The following KCNC1 variants were observed in gnomAD, a reference collection of about 807,000 sequenced individuals.
KCNC1 encodes potassium voltage-gated channel subfamily C member 1.
KCNC1 carries 8 observed loss-of-function variants against 43.4 expected under a neutral mutation model. The ratio of observed to expected loss-of-function variants is 0.18; its 90% confidence interval spans 0.11 to 0.33. The LOEUF is 0.33. KCNC1 is among the 10% of genes least tolerant of loss of function. The probability of loss-of-function intolerance (pLI) is 1.00; values close to 1 mark genes in which losing one functional copy is unlikely to be tolerated. For synonymous variants in KCNC1, 361 were observed against 360.5 expected, an observed-to-expected ratio of 1.00 and a Z score of -0.01; for missense variants, 420 against 836.0, an observed-to-expected ratio of 0.50 and a Z score of 6.14.
Position 17,772,845 on chromosome 11 carries a change from G to A in KCNC1, c.1504+247G>A, listed in dbSNP as rs1849245911. The A allele has an allele frequency of 2.2e-6, 3 of 1,366,406 alleles. No individual in the cohort carries two copies. In the East Asian group the frequency reaches 8.2e-5, roughly 37 times the overall value. 84.6% of individuals were successfully genotyped at this position (1,366,406 alleles called of 1,614,324 possible). On this transcript the variant is annotated intron_variant, in intron 2 of 3. Coordinates refer to ENST00000265969, the MANE Select transcript of KCNC1 (RefSeq NM_001112741.2). ...AGGTTGACGCGGTTGGTCTCGTGAT[G>A]TTCTGAAGAGACAACGCGGCCCGCC... is the stretch of plus-strand genomic sequence containing the variant.
rs186166569 is a variant in KCNC1 at position 17,741,912 on chromosome 11, C to G, written c.570+5340C>G. 3.9e-5 allele frequency among the ~76,000 whole-genome samples: 6 copies of G among 152,346 alleles called. No homozygotes were observed. In the East Asian group the frequency reaches 1.2e-3, roughly 29 times the overall value. ...CTCAAACAGCAGCTCCTCAGTGATG[C>G]CTTCCCGGGCCCCTAGGCTGGGTTG... is the stretch of plus-strand genomic sequence containing the variant. On this transcript the variant is annotated intron_variant, in intron 1 of 3. Transcript: ENST00000265969.
intron 1 of KCNC1, among the ~76,000 whole-genome samples, chr11:17,763,769 CCCA>C (rs1285562546): frequency 6.8e-6 from 1 of 147,696 alleles, no homozygotes; most frequent in Non-Finnish European, 1.5e-5. Context: ...CACACAAACC[CCCA>C]CACCACCCCA....
Position 17,776,203 on chromosome 11 carries a change from C to T in KCNC1, c.1505-3253C>T, listed in dbSNP as rs1849285466. On this transcript the variant is annotated intron_variant, in intron 2 of 3. Transcript: ENST00000265969. This position sits in a 1 kb window ranked among gnomAD's most constrained non-coding sequence, Gnocchi z 4.4. Reference sequence around the variant, plus strand: ...TCACATTTTCTCTCTTTCTCTCTCTCTCCACTAATCATGTTTCTCTCTCTC... The same window carrying T: ...TCACATTTTCTCTCTTTCTCTCTCTTTCCACTAATCATGTTTCTCTCTCTC... The T allele has an allele frequency of 1.1e-5, 11 of 985,468 alleles. No homozygotes were observed. Among genetic ancestry groups the T allele is most frequent in the Middle Eastern group, 5.2e-4 (1 of 1,914 alleles). The allele number at this position is 985,468 out of a possible 1,614,324, so 61.0% of individuals were successfully genotyped here. A position where few individuals can be genotyped will look rare whatever the true frequency, so the allele number is the denominator to read the frequency against.
rs1279853090 is a variant in KCNC1 at position 17,776,428 on chromosome 11, G to A, written c.1505-3028G>A. The A allele has an allele frequency of 1.0e-6, 1 of 985,466 alleles. No homozygotes were observed. The highest frequency in any genetic ancestry group is 1.2e-6 in the Non-Finnish European group (1 of 829,958). The allele number at this position is 985,466 out of a possible 1,614,324, so 61.0% of individuals were successfully genotyped here. ...CGCCCCTCCGGTGCCCGCAGCTGGTGTGAACAGTAAGTACTTTGGCGGTGC... is the reference window on the plus strand; with the variant it reads ...CGCCCCTCCGGTGCCCGCAGCTGGTATGAACAGTAAGTACTTTGGCGGTGC... On this transcript the variant is annotated intron_variant, in intron 2 of 3. Transcript: ENST00000265969. This position sits in a 1 kb window ranked among gnomAD's most constrained non-coding sequence, Gnocchi z 4.4.
At chr11:17,775,168 T>G in intron 2 of KCNC1, 2 of 985,418 alleles carry the variant, frequency 2.0e-6, no homozygotes, top group Non-Finnish European at 2.4e-6. Context: ...GCCTTTCCAG[T>G]CTCACTGTAC....
intron 1 of KCNC1, among the ~76,000 whole-genome samples, chr11:17,749,267 A>C (rs757516): frequency 0.84 from 128,351 of 152,300 alleles, 54,687 homozygotes; most frequent in East Asian, 1. Flanking sequence ...CTGCACTGCG[A>C]GCACTGGTGC....
intron 1 of KCNC1, among the ~76,000 whole-genome samples, chr11:17,750,541 CA>C (rs1848955753): frequency 6.6e-6 from 1 of 152,150 alleles, no homozygotes; most frequent in African/African-American, 2.4e-5. Context: ...ATGTAGGAAT[CA>C]CAGTGGTTTG....
chr11:17,757,070 A>G (rs1565158450), intron 1 of KCNC1, among the ~76,000 whole-genome samples: 1 of 152,214 alleles, frequency 6.6e-6, no homozygotes, highest in Non-Finnish European at 1.5e-5. Flanking sequence ...GATAAATGAG[A>G]TAATGTTTGT....
chr11:17,779,669 G>A lies in KCNC1; in HGVS notation c.1693+25G>A, dbSNP rs771188688. 1.4e-5 allele frequency: 21 copies of A among 1,482,958 alleles called. No individual in the cohort carries two copies. Among genetic ancestry groups the A allele is most frequent in the African/African-American group, 5.7e-5 (4 of 70,764 alleles). The allele number at this position is 1,482,958 out of a possible 1,614,324, so 91.9% of individuals were successfully genotyped here. On this transcript the variant is annotated intron_variant, in intron 3 of 3. Coordinates refer to ENST00000265969, the MANE Select transcript of KCNC1 (RefSeq NM_001112741.2). This position sits in a 1 kb window ranked among gnomAD's most constrained non-coding sequence, Gnocchi z 7.2. ...GGTATGTAGAGGAAGCTGGAGCACC[G>A]TGCATCGTCCGGGCCGCCTCGCGCT...
Position 17,736,674 on chromosome 11 carries a change from A to T in KCNC1, c.570+102A>T. 7.0e-7 allele frequency: 1 copy of T among 1,434,436 alleles called. No homozygotes were observed. The highest frequency in any genetic ancestry group is 1.5e-5 in the South Asian group (1 of 67,428). The allele number at this position is 1,434,436 out of a possible 1,614,324, so 88.9% of individuals were successfully genotyped here. On this transcript the variant is annotated intron_variant, in intron 1 of 3. Transcript: ENST00000265969. The surrounding 1 kb of genome is among the most constrained non-coding windows in gnomAD (Gnocchi z 9.3). ...CGGAGAACTGGCGCCTAGGGAGTTC[A>T]GAATCGAAAGGGGGTGTGTGCGCAT...
chr11:17,746,347 C>T (rs1848899801), intron 1 of KCNC1, among the ~76,000 whole-genome samples: 1 of 152,244 alleles, frequency 6.6e-6, no homozygotes, highest in Admixed American at 6.5e-5. Flanking sequence ...GCTGCATCAG[C>T]CCACCCACCA....
At chr11:17,750,006 G>T (rs992262739) in intron 1 of KCNC1, among the ~76,000 whole-genome samples, 2 of 152,022 alleles carry the variant, frequency 1.3e-5, no homozygotes, top group Admixed American at 1.3e-4. Context: ...GTAGGGAGGG[G>T]ACAGGCTAAA....
At chr11:17,768,235 C>T (rs1423335288) in intron 1 of KCNC1, among the ~76,000 whole-genome samples, 1 of 152,162 alleles carries the variant, frequency 6.6e-6, no homozygotes, top group African/African-American at 2.4e-5. Flanking sequence ...CTTAGTAGGG[C>T]CCTGAAGGAT....
chr11:17,766,716 A>T (rs1361788317), intron 1 of KCNC1, among the ~76,000 whole-genome samples: 2 of 152,166 alleles, frequency 1.3e-5, no homozygotes, highest in African/African-American at 4.8e-5. Context: ...GGATAGGCAC[A>T]ACCTGCTCTT....
rs1401582963 is a variant in KCNC1, at chr11:17,742,750, A to G, written c.570+6178A>G. On this transcript the variant is annotated intron_variant, in intron 1 of 3. Transcript: ENST00000265969. This position sits in a 1 kb window ranked among gnomAD's most constrained non-coding sequence, Gnocchi z 4.2. ...TAAACAGGCTCAGAGAGGGAAAGAC[A>G]CTTGCTCAAGACAACACAGGGAATC... Among the ~76,000 whole-genome samples, 2 of 152,208 alleles carry G rather than the reference A, an allele frequency of 1.3e-5. No individual in the cohort carries two copies. The highest frequency in any genetic ancestry group is 2.9e-5 in the Non-Finnish European group (2 of 68,038).
At chr11:17,746,765 T>C (rs1848903819) in intron 1 of KCNC1, among the ~76,000 whole-genome samples, 2 of 152,178 alleles carry the variant, frequency 1.3e-5, no homozygotes, top group Admixed American at 6.5e-5. Flanking sequence ...TTTGGGAATA[T>C]GACCTGGAGC....
chr11:17,771,643 C>G lies in KCNC1; in HGVS notation c.571-22C>G. 1 of 1,584,732 alleles carries G rather than the reference C, an allele frequency of 6.3e-7. No homozygotes were observed. The highest frequency in any genetic ancestry group is 8.6e-7 in the Non-Finnish European group (1 of 1,159,464). ...CCACTCTGGGTGGGCCTCCCTCTGA[C>G]ACTGTGTCTTTATCCCCACAGTATG... is the stretch of plus-strand genomic sequence containing the variant. On this transcript the variant is annotated intron_variant, in intron 1 of 3. Coordinates refer to ENST00000265969, the MANE Select transcript of KCNC1 (RefSeq NM_001112741.2). This position sits in a 1 kb window ranked among gnomAD's most constrained non-coding sequence, Gnocchi z 4.7.
chr11:17,766,896 G>T (rs1849156380), intron 1 of KCNC1, among the ~76,000 whole-genome samples: 1 of 149,690 alleles, frequency 6.7e-6, no homozygotes, highest in Admixed American at 6.7e-5. Flanking sequence ...GAGTCTGGCA[G>T]ATCACCTGAG....
chr11:17,764,134 C>T (rs1849118130), intron 1 of KCNC1, among the ~76,000 whole-genome samples: 2 of 144,234 alleles, frequency 1.4e-5, no homozygotes, highest in Admixed American at 7.1e-5. Flanking sequence ...GACACACACA[C>T]ACCCCCCCAC....
Sources: gnomAD v4.1 joint callset for allele counts (sites outside exome capture counted in the v4.1 genomes callset) on GRCh38, gnomAD v4.1.1 for gene constraint, Gnocchi (gnomAD v3.1) non-coding constraint, MANE v1.5 for transcripts, NCBI Gene and HGNC (gene_info 2026-07-23, HGNC 2026-07-21) for gene names.